CLDN16: variants seen among roughly 807,000 people sequenced by gnomAD.
The protein encoded by CLDN16 is claudin 16.
A neutral mutation model predicts 24.6 loss-of-function variants in CLDN16; 13 were observed. The ratio of observed to expected loss-of-function variants is 0.53; its 90% confidence interval spans 0.34 to 0.84. CLDN16 has a LOEUF of 0.84. Among genes scored for constraint, CLDN16 ranks in the 40% least tolerant of loss-of-function variants. CLDN16 has a pLI of 0.01. For synonymous variants in CLDN16, 116 were observed against 106.7 expected (o/e 1.09, Z -0.54); for missense variants, 298 against 292.7 (o/e 1.02, Z -0.13).
chr3:190,333,637 A>AT (rs1248327486), intron 1 of CLDN16, among the ~76,000 whole-genome samples: 1 of 151,970 alleles, frequency 6.6e-6, no homozygotes, highest in Non-Finnish European at 1.5e-5. Context: ...ATTCTGCCTA[A>AT]TGTTCAGCAG....
chr3:190,333,117 A>G (rs1429836742), intron 1 of CLDN16, among the ~76,000 whole-genome samples: 1 of 152,198 alleles, frequency 6.6e-6, no homozygotes, highest in Non-Finnish European at 1.5e-5. Flanking sequence ...AACAAGGTTG[A>G]TAAACAACTG....
chr3:190,402,328 A>G lies in CLDN16; in HGVS notation c.115-9A>G. 1 of 1,608,384 alleles carries G rather than the reference A, an allele frequency of 6.2e-7. No individual in the cohort carries two copies. The highest frequency in any genetic ancestry group is 8.5e-7 in the Non-Finnish European group (1 of 1,174,804). ...AATTGTTTCACACGGTGTCTTCTCT[A>G]ACATCTAGGTGAGCACAAAATGCCG... On this transcript the variant is annotated splice_polypyrimidine_tract_variant and intron_variant, in intron 1 of 4. Coordinates refer to ENST00000264734, the MANE Select transcript of CLDN16 (RefSeq NM_006580.4).
At chr3:190,310,960 AT>A in the CLDN16 span, among the ~76,000 whole-genome samples, 6 of 152,152 alleles carry the variant, frequency 3.9e-5, no homozygotes, top group South Asian at 2.1e-4. Flanking sequence ...AAAATACTTC[AT>A]TTTTTTATCA....
the CLDN16 span, among the ~76,000 whole-genome samples, chr3:190,294,382 G>A: frequency 3.9e-5 from 6 of 152,168 alleles, no homozygotes; most frequent in Non-Finnish European, 8.8e-5. Flanking sequence ...GGTTGAATGA[G>A]AGGCTGATTG....
At chr3:190,314,018 G>A in the CLDN16 span, among the ~76,000 whole-genome samples, 1 of 152,132 alleles carries the variant, frequency 6.6e-6, no homozygotes, top group African/African-American at 2.4e-5. Context: ...ATCATTGACA[G>A]TGATAATATG....
chr3:190,342,125 G>A (rs1717451321), intron 1 of CLDN16, among the ~76,000 whole-genome samples: 1 of 152,142 alleles, frequency 6.6e-6, no homozygotes, highest in Non-Finnish European at 1.5e-5. Context: ...TCCAAACTCT[G>A]CCTGTTACAC....
chr3:190,388,018 G>A, upstream of CLDN16: 1 of 1,129,596 alleles, frequency 8.9e-7, no homozygotes, highest in Non-Finnish European at 1.3e-6. Context: ...CTAGCCCACA[G>A]TTGGGTCAGA....
chr3:190,398,566 A>G (rs973479024), intron 1 of CLDN16, among the ~76,000 whole-genome samples: 2 of 152,140 alleles, frequency 1.3e-5, no homozygotes, highest in African/African-American at 4.8e-5. Flanking sequence ...CTTTTTCCAA[A>G]TAAGGTCATA....
intron 1 of CLDN16, among the ~76,000 whole-genome samples, chr3:190,334,593 C>T (rs575471114): frequency 6.6e-6 from 1 of 152,392 alleles, no homozygotes; most frequent in South Asian, 2.1e-4. Context: ...CTCTCTTGCT[C>T]TCTGGCTTTG....
At chr3:190,301,536 A>G in the CLDN16 span, among the ~76,000 whole-genome samples, 1 of 152,058 alleles carries the variant, frequency 6.6e-6, no homozygotes. Flanking sequence ...AGAAATTATC[A>G]TCATGTCCAA....
intron 1 of CLDN16, among the ~76,000 whole-genome samples, chr3:190,348,253 C>CAAA (rs35983526): frequency 3.6e-5 from 2 of 55,998 alleles, no homozygotes; most frequent in African/African-American, 1.4e-4. Flanking sequence ...GACTCCGTCT[C>CAAA]AAAAAAAAAA....
At chr3:190,389,258 A>G (rs1379098820) in intron 1 of CLDN16, among the ~76,000 whole-genome samples, 1 of 152,238 alleles carries the variant, frequency 6.6e-6, no homozygotes, top group Non-Finnish European at 1.5e-5. Flanking sequence ...AATGAGGCTT[A>G]GGAAAACACA....
In CLDN16 at chr3:190,352,164, CAAAT is replaced by C. The variant is rs200921826; in HGVS notation, n.122-18724_122-18721del. On this transcript the variant is annotated intron_variant and non_coding_transcript_variant, in intron 1 of 4. Transcript: ENST00000468220. The stretch of plus-strand genomic sequence containing the variant: ...AAGTTTTTTTTTTTTTAAAAAAAGA[CAAAT>C]AAATTAGTAAAACAATAAAAAAGGA... Among the ~76,000 whole-genome samples the C allele has an allele frequency of 2.7e-3, 409 of 149,720 alleles. 13 individuals carry two copies. In the East Asian group the frequency reaches 0.067, roughly 24 times the overall value.
At chr3:190,319,444 C>T (rs564286802), upstream of CLDN16, among the ~76,000 whole-genome samples, 5 of 152,290 alleles carry the variant, frequency 3.3e-5, no homozygotes, top group East Asian at 7.7e-4. Context: ...CAAGAACTAC[C>T]TAAAAGAAGA....
At chr3:190,300,513 C>T in the CLDN16 span, among the ~76,000 whole-genome samples, 113 of 152,094 alleles carry the variant, frequency 7.4e-4, no homozygotes, top group Non-Finnish European at 1.3e-3. Flanking sequence ...TTTGTATGGC[C>T]GACAAACTAA....
intron 4 of CLDN16, among the ~76,000 whole-genome samples, chr3:190,408,784 A>G (rs766722231): frequency 5.4e-5 from 8 of 148,834 alleles, no homozygotes; most frequent in Non-Finnish European, 1.2e-4. Context: ...ACATATATAC[A>G]TATATACACA....
chr3:190,348,981 G>T (rs990240437), intron 1 of CLDN16, among the ~76,000 whole-genome samples: 1 of 152,178 alleles, frequency 6.6e-6, no homozygotes, highest in Non-Finnish European at 1.5e-5. Context: ...CCATGTCTCT[G>T]CAAAGGACAT....
chr3:190,357,600 G>A (rs1292835979), intron 1 of CLDN16, among the ~76,000 whole-genome samples: 2 of 151,832 alleles, frequency 1.3e-5, no homozygotes, highest in African/African-American at 4.8e-5. Context: ...GATACTGAAA[G>A]TTCTTCCCAA....
chr3:190,307,382 A>G, the CLDN16 span: 1 of 152,224 alleles, frequency 6.6e-6, no homozygotes, highest in Non-Finnish European at 1.5e-5. Flanking sequence ...AATTCAATCA[A>G]TAAAGTTGTG....
Sources: gnomAD v4.1 joint callset for allele counts (sites outside exome capture counted in the v4.1 genomes callset) on GRCh38, gnomAD v4.1.1 for gene constraint, MANE v1.5 for transcripts, NCBI Gene and HGNC (gene_info 2026-07-23, HGNC 2026-07-21) for gene names.